BARX2: variants seen among roughly 807,000 people sequenced by gnomAD.
BARX2 encodes homeobox protein BarH-like 2.
Under a neutral mutation model 25.5 loss-of-function variants are expected in BARX2, and 11 were observed. The ratio of observed to expected loss-of-function variants is 0.43; its 90% CI spans 0.27 to 0.71. The LOEUF is 0.71. Ranked by LOEUF, BARX2 falls within the 30% of genes least tolerant of loss-of-function variation. The pLI is 0.19. For missense variants in BARX2, 360 were observed against 359.9 expected (o/e 1.00, Z 0.00); for synonymous variants, 137 against 149.5 (o/e 0.92, Z 0.61).
At chr11:129,407,791 A>C (rs1861846486) in intron 1 of BARX2, among the ~76,000 whole-genome samples, 1 of 152,116 alleles carries the variant, frequency 6.6e-6, no homozygotes, top group African/African-American at 2.4e-5. Flanking sequence ...GTGTGATAAA[A>C]ATGCATGCAA....
At chr11:129,386,427 G>A (rs1194149789) in intron 1 of BARX2, among the ~76,000 whole-genome samples, 1 of 152,180 alleles carries the variant, frequency 6.6e-6, no homozygotes. Flanking sequence ...TTCTTAGCAG[G>A]AAAGAATAAT....
At chr11:129,405,585 A>G (rs1398753343) in intron 1 of BARX2, among the ~76,000 whole-genome samples, 1 of 152,182 alleles carries the variant, frequency 6.6e-6, no homozygotes, top group Non-Finnish European at 1.5e-5. Flanking sequence ...ATATAACTTT[A>G]CACTTTAAGA....
chr11:129,395,224 C>A (rs990036077), intron 1 of BARX2, among the ~76,000 whole-genome samples: 1 of 152,020 alleles, frequency 6.6e-6, no homozygotes, highest in African/African-American at 2.4e-5. Flanking sequence ...TTTTCTCTAC[C>A]CTGTTGACTG....
chr11:129,392,703 C>A (rs1291462905), intron 1 of BARX2, among the ~76,000 whole-genome samples: 2 of 152,058 alleles, frequency 1.3e-5, no homozygotes, highest in Non-Finnish European at 2.9e-5. Flanking sequence ...CCTCTCTTTC[C>A]TGGGTGCAAG....
chr11:129,382,753 C>T (rs1465138871), intron 1 of BARX2, among the ~76,000 whole-genome samples: 1 of 152,090 alleles, frequency 6.6e-6, no homozygotes, highest in African/African-American at 2.4e-5. Flanking sequence ...TAGTGTGGCT[C>T]TAGGGACGCA....
At chr11:129,426,933 A>G (rs1862070007) in intron 1 of BARX2, among the ~76,000 whole-genome samples, 1 of 152,160 alleles carries the variant, frequency 6.6e-6, no homozygotes, top group Non-Finnish European at 1.5e-5. Context: ...CAGTCTCGGT[A>G]TATGGCTGCA....
rs1453299946 is a variant in BARX2, at chr11:129,451,300, A to G, written c.738A>G (p.Ala246=). 25 of 1,614,100 alleles carry G rather than the reference A, an allele frequency of 1.5e-5. No individual in the cohort carries two copies. The highest frequency in any genetic ancestry group is 2.0e-5 in the Non-Finnish European group (24 of 1,180,044). ...PSQGQEELCE[A]QEPKARDVPL... ...AGGGGCAGGAGGAGCTCTGTGAAGC[A>G]CAGGAACCGAAAGCACGTGATGTCC... The change falls in exon 4 of 4, where the codon GCA becomes GCG. Residue 246 remains alanine, a synonymous_variant. Coordinates refer to ENST00000281437, the MANE Select transcript of BARX2 (RefSeq NM_003658.5).
intron 1 of BARX2, among the ~76,000 whole-genome samples, chr11:129,392,269 C>T (rs1861673641): frequency 6.6e-6 from 1 of 152,170 alleles, no homozygotes; most frequent in Non-Finnish European, 1.5e-5. Flanking sequence ...GTGAGAGATG[C>T]GAAATTAACC....
intron 1 of BARX2, among the ~76,000 whole-genome samples, chr11:129,378,868 T>G (rs1331774699): frequency 1.4e-5 from 2 of 147,864 alleles, no homozygotes; most frequent in Non-Finnish European, 3.0e-5. Flanking sequence ...CACTGCATAA[T>G]GAAACAGTTC....
At chr11:129,426,369 GGTTTTTTTTT>G (rs1384370828) in intron 1 of BARX2, among the ~76,000 whole-genome samples, 6 of 151,174 alleles carry the variant, frequency 4.0e-5, no homozygotes, top group Non-Finnish European at 1.5e-5. Flanking sequence ...TTTCCATGCT[GGTTTTTTTTT>G]GTTTTTTTTT....
intron 1 of BARX2, among the ~76,000 whole-genome samples, chr11:129,396,468 A>T (rs1428289668): frequency 6.6e-6 from 1 of 151,356 alleles, no homozygotes; most frequent in Non-Finnish European, 1.5e-5. Flanking sequence ...TTCTGCAGTG[A>T]TCTCTTCCAG....
At chr11:129,391,142 A>G (rs1861661976) in intron 1 of BARX2, among the ~76,000 whole-genome samples, 1 of 152,196 alleles carries the variant, frequency 6.6e-6, no homozygotes, top group Non-Finnish European at 1.5e-5. Context: ...TACATGTATT[A>G]TGGTGTTTCC....
chr11:129,417,394 G>A (rs1032553554), intron 1 of BARX2, among the ~76,000 whole-genome samples: 8 of 152,154 alleles, frequency 5.3e-5, no homozygotes, highest in Admixed American at 1.3e-4. Flanking sequence ...TCAGCTGTGC[G>A]GTGAAGAGGG....
intron 1 of BARX2, among the ~76,000 whole-genome samples, chr11:129,425,994 G>A (rs1027108703): frequency 1.4e-5 from 2 of 146,756 alleles, no homozygotes; most frequent in East Asian, 4.0e-4. Flanking sequence ...CTCACAAAAT[G>A]CCCTTCCTCC....
chr11:129,436,001 A>G lies in BARX2; in HGVS notation c.188-750A>G, dbSNP rs1258894653. ...GGCCAGCCTGAGAATCCTCCTTAAC[A>G]TAGTGCTGGAGGCGCCAGTCATACC... is the stretch of plus-strand genomic sequence containing the variant. On this transcript the variant is annotated intron_variant, in intron 1 of 3. Coordinates refer to ENST00000281437, the MANE Select transcript of BARX2 (RefSeq NM_003658.5). The surrounding 1 kb of genome is among the most constrained non-coding windows in gnomAD (Gnocchi z 4.5). 6.6e-6 allele frequency among the ~76,000 whole-genome samples: 1 copy of G among 152,180 alleles called. No homozygotes were observed. The highest frequency in any genetic ancestry group is 6.5e-5 in the Admixed American group (1 of 15,284).
At chr11:129,389,572 C>T (rs535573391) in intron 1 of BARX2, among the ~76,000 whole-genome samples, 2 of 150,338 alleles carry the variant, frequency 1.3e-5, no homozygotes, top group East Asian at 1.9e-4. Flanking sequence ...TTTTTTTTAA[C>T]AAGAGTTTCC....
chr11:129,393,391 C>A (rs1335223194), intron 1 of BARX2, among the ~76,000 whole-genome samples: 3 of 151,976 alleles, frequency 2.0e-5, no homozygotes, highest in South Asian at 4.1e-4. Context: ...CTCAGTAATG[C>A]TTTCTAAAAA....
chr11:129,412,055 A>G (rs1172129039), intron 1 of BARX2, among the ~76,000 whole-genome samples: 1 of 152,070 alleles, frequency 6.6e-6, no homozygotes, highest in Admixed American at 6.5e-5. Context: ...GGCAGATCAC[A>G]AGGTCAGGAG....
At chr11:129,375,498 C>G (rs541179180), upstream of BARX2, among the ~76,000 whole-genome samples, 1 of 152,280 alleles carries the variant, frequency 6.6e-6, no homozygotes, top group Non-Finnish European at 1.5e-5. This position sits in a 1 kb window ranked among gnomAD's most constrained non-coding sequence, Gnocchi z 4.0. Flanking sequence ...CCCCGGGGAG[C>G]TACCGGCCTG....
Sources: allele counts gnomAD v4.1 joint callset (sites outside exome capture counted in the v4.1 genomes callset), GRCh38; gene constraint gnomAD v4.1.1; non-coding constraint Gnocchi (gnomAD v3.1); transcripts MANE v1.5; gene names NCBI Gene and HGNC (gene_info 2026-07-23, HGNC 2026-07-21).